LRRC4C: variants seen among roughly 807,000 people sequenced by gnomAD.
The protein encoded by LRRC4C is leucine-rich repeat-containing protein 4C.
In LRRC4C, 5 loss-of-function variants were observed where a neutral mutation model predicts 33.6. That is an observed-to-expected ratio of 0.15 (90% CI 0.08 to 0.31). The LOEUF is 0.31. Among genes scored for constraint, LRRC4C ranks in the 10% least tolerant of loss-of-function variants. The pLI is 1.00. For synonymous variants in LRRC4C, 329 were observed against 302.0 expected (o/e 1.09, Z -0.93); for missense variants, 560 against 796.7 (o/e 0.70, Z 3.58).
At chr11:40,298,302 A>G (rs1034934938) in intron 4 of LRRC4C, among the ~76,000 whole-genome samples, 2 of 151,866 alleles carry the variant, frequency 1.3e-5, no homozygotes, top group African/African-American at 4.8e-5. Flanking sequence ...ATCATTTATT[A>G]TTTCTCATGA....
intron 1 of LRRC4C, among the ~76,000 whole-genome samples, chr11:41,048,531 G>T (rs1248802028): frequency 6.6e-6 from 1 of 151,974 alleles, no homozygotes; most frequent in Admixed American, 6.6e-5. Context: ...CCAAAGTGCT[G>T]GGATTACAGG....
intron 2 of LRRC4C, among the ~76,000 whole-genome samples, chr11:40,773,402 A>G (rs1186096317): frequency 6.6e-6 from 1 of 152,168 alleles, no homozygotes; most frequent in African/African-American, 2.4e-5. Flanking sequence ...TTGGGGTAAC[A>G]GATATTCCAT....
At chr11:40,581,852 G>A (rs1158994961) in intron 3 of LRRC4C, among the ~76,000 whole-genome samples, 1 of 152,126 alleles carries the variant, frequency 6.6e-6, no homozygotes, top group Non-Finnish European at 1.5e-5. Context: ...GCAGTGAGCC[G>A]AGATCGTGCC....
chr11:40,768,305 T>C (rs1326312884), intron 2 of LRRC4C, among the ~76,000 whole-genome samples: 1 of 152,006 alleles, frequency 6.6e-6, no homozygotes, highest in Admixed American at 6.6e-5. Flanking sequence ...ACAATTAATG[T>C]GATTAAAGAT....
chr11:40,932,007 G>A (rs1000017249), intron 2 of LRRC4C, among the ~76,000 whole-genome samples: 6 of 152,088 alleles, frequency 3.9e-5, no homozygotes, highest in Non-Finnish European at 8.8e-5. Flanking sequence ...AAATAACCAA[G>A]TTAATTGTCC....
intron 3 of LRRC4C, among the ~76,000 whole-genome samples, chr11:40,497,968 T>A (rs1198267031): frequency 6.6e-6 from 1 of 152,202 alleles, no homozygotes; most frequent in Non-Finnish European, 1.5e-5. Flanking sequence ...TATAAGAAAG[T>A]GTACCTTTAA....
chr11:40,126,781 A>G (rs569879780), intron 6 of LRRC4C, among the ~76,000 whole-genome samples: 1 of 151,952 alleles, frequency 6.6e-6, no homozygotes, highest in South Asian at 2.1e-4. Flanking sequence ...ACCAACATGG[A>G]GGAACCCCAT....
chr11:41,302,411 A>G (rs532637364), intron 1 of LRRC4C, among the ~76,000 whole-genome samples: 1 of 152,362 alleles, frequency 6.6e-6, no homozygotes, highest in South Asian at 2.1e-4. Context: ...TTGTCTAATT[A>G]GGTAGTGATC....
At chr11:40,598,863 A>G (rs1038237269) in intron 3 of LRRC4C, among the ~76,000 whole-genome samples, 2 of 152,134 alleles carry the variant, frequency 1.3e-5, no homozygotes, top group Non-Finnish European at 2.9e-5. Flanking sequence ...GCTAAATAGG[A>G]TCACAGTGGG....
At chr11:41,025,763 A>G (rs114152801) in intron 1 of LRRC4C, among the ~76,000 whole-genome samples, 2,616 of 151,870 alleles carry the variant, frequency 0.017, 85 homozygotes, top group African/African-American at 0.059. Context: ...ACTGGAAAAA[A>G]GATGCCATCT....
At chr11:41,017,731 TATAGA>T (rs369684177) in intron 1 of LRRC4C, among the ~76,000 whole-genome samples, 3 of 150,918 alleles carry the variant, frequency 2.0e-5, no homozygotes, top group South Asian at 2.1e-4. Context: ...AAGTGCTCTA[TATAGA>T]ATAATCTTTA....
intron 1 of LRRC4C, among the ~76,000 whole-genome samples, chr11:41,408,747 T>TAAAAAAAAAAAAAAAAAA (rs35914452): frequency 1.3e-4 from 17 of 131,760 alleles, no homozygotes; most frequent in African/African-American, 4.8e-4. Context: ...TATATTTTTG[T>TAAAAAAAAAAAAAAAAAA]AAAAAAAAAA....
chr11:40,448,032 G>T (rs906602504), intron 3 of LRRC4C, among the ~76,000 whole-genome samples: 4 of 152,012 alleles, frequency 2.6e-5, no homozygotes, highest in Admixed American at 2.6e-4. Context: ...GGCCAAGCTG[G>T]TCTCGAACTC....
intron 2 of LRRC4C, among the ~76,000 whole-genome samples, chr11:40,755,416 G>C (rs2137023718): frequency 6.6e-6 from 1 of 152,150 alleles, no homozygotes. Context: ...AATCATTACA[G>C]CCAGGATGCA....
At chr11:40,772,317 G>C (rs1459423422) in intron 2 of LRRC4C, among the ~76,000 whole-genome samples, 1 of 152,084 alleles carries the variant, frequency 6.6e-6, no homozygotes, top group African/African-American at 2.4e-5. Flanking sequence ...GAAGAGCATG[G>C]GAGAACTGCT....
At chr11:41,331,054 C>A (rs1451075119) in intron 1 of LRRC4C, among the ~76,000 whole-genome samples, 1 of 152,108 alleles carries the variant, frequency 6.6e-6, no homozygotes, top group Non-Finnish European at 1.5e-5. Context: ...AGTAGGGAGC[C>A]TGGTACTTCC....
chr11:41,082,504 CAAGCA>C (rs1158499806), intron 1 of LRRC4C, among the ~76,000 whole-genome samples: 3 of 149,178 alleles, frequency 2.0e-5, no homozygotes, highest in African/African-American at 7.4e-5. Flanking sequence ...GACTTTGTGC[CAAGCA>C]CTGAGCTAAG....
chr11:40,434,742 G>C (rs182965345), intron 3 of LRRC4C, among the ~76,000 whole-genome samples: 1 of 152,078 alleles, frequency 6.6e-6, no homozygotes. Flanking sequence ...GCACTTAAGA[G>C]GAAAAATAAG....
chr11:41,265,195 G>C (rs1259950602), intron 1 of LRRC4C, among the ~76,000 whole-genome samples: 1 of 152,126 alleles, frequency 6.6e-6, no homozygotes, highest in Non-Finnish European at 1.5e-5. Flanking sequence ...CTTAGAGTAT[G>C]TGATATCTCT....
Sources: gnomAD v4.1 joint callset for allele counts (sites outside exome capture counted in the v4.1 genomes callset) on GRCh38, gnomAD v4.1.1 for gene constraint, MANE v1.5 for transcripts, NCBI Gene and HGNC (gene_info 2026-07-23, HGNC 2026-07-21) for gene names.